Variants in CD72 observed in about 807,000 individuals in gnomAD.
CD72 encodes the protein CD72 molecule.
A neutral mutation model predicts 50.7 loss-of-function variants in CD72; 28 were observed. The observed-to-expected ratio is 0.55, with a 90% CI of 0.41 to 0.76. The LOEUF (loss-of-function observed/expected upper bound fraction) is 0.76. Among genes scored for constraint, CD72 ranks in the 30% least tolerant of loss-of-function variants. The pLI is 0.00. For missense variants in CD72, 403 were observed against 420.6 expected (o/e 0.96, Z 0.37); for synonymous variants, 176 against 171.2 (o/e 1.03, Z -0.22).
chr9:35,617,142 T>C (rs753779811), intron 3 of CD72, 34 bp downstream of exon 3: 1 of 1,551,074 alleles, frequency 6.4e-7, no homozygotes, highest in Non-Finnish European at 8.7e-7. Flanking sequence ...CGCGAGCACT[T>C]GGCCCCGCGG....
chr9:35,620,875 T>A (rs75858613), upstream of CD72, among the ~76,000 whole-genome samples: 2,545 of 152,244 alleles, frequency 0.017, 78 homozygotes, highest in African/African-American at 0.057. Context: ...CACCGCAATA[T>A]CTTGAATGTC....
chr9:35,618,080 C>T lies in CD72; in HGVS notation c.124G>A (p.Val42Ile), dbSNP rs751533707. The change falls in exon 2 of 9, where the codon GTT becomes ATT. Residue 42 changes from valine (V) to isoleucine (I), a missense_variant. Val to Ile is a conservative substitution (Grantham distance 29). Transcript: ENST00000259633. ...DDDGEITYENVQVPAVLGVPS... is the reference protein window; with the variant it reads ...DDDGEITYENIQVPAVLGVPS... Reference sequence around the variant, plus strand: ...ACCCCTAGGACTGCGGGCACTTGAACATTCTCGTAGGTGATTTCCCCATCA... The same window carrying T: ...ACCCCTAGGACTGCGGGCACTTGAATATTCTCGTAGGTGATTTCCCCATCA... 3 of 1,614,130 alleles carry T rather than the reference C, an allele frequency of 1.9e-6. No individual in the cohort carries two copies. In the South Asian group the frequency reaches 3.3e-5, roughly 18 times the overall value.
chr9:35,621,339 T>C (rs4879914), upstream of CD72, among the ~76,000 whole-genome samples: 69,137 of 152,052 alleles, frequency 0.45, 17,310 homozygotes, highest in South Asian at 0.57. Flanking sequence ...CATGAGGGCA[T>C]CAGATAGAAT....
chr9:35,616,130 A>C lies in CD72; in HGVS notation c.501T>G (p.Ser167Arg), dbSNP rs1236821490. The change falls in exon 5 of 9, where the codon AGT (serine) becomes AGG (arginine). Residue 167 changes from serine to arginine, a missense_variant. Ser to Arg is a moderately radical substitution (Grantham distance 110). Coordinates refer to ENST00000259633, the MANE Select transcript of CD72 (RefSeq NM_001782.3). ...TCTGTTCCACCTGTAGTGCTTCCTG[A>C]CTCTGCGCCAGCTCTCTCCTGGACC... ...LQGSRRELAQ[S>R]QEALQVEQRA... The C allele has an allele frequency of 1.2e-6, 2 of 1,613,372 alleles. No individual in the cohort carries two copies. The highest frequency in any genetic ancestry group is 8.5e-7 in the Non-Finnish European group (1 of 1,179,862).
upstream of CD72, among the ~76,000 whole-genome samples, chr9:35,621,528 G>T (rs1204897162): frequency 6.6e-6 from 1 of 152,166 alleles, no homozygotes; most frequent in Non-Finnish European, 1.5e-5. Flanking sequence ...CAGAATAATG[G>T]CCTCCCAAAA....
At chr9:35,641,797 C>T (rs539304248) in intron 1 of CD72, among the ~76,000 whole-genome samples, 2 of 152,064 alleles carry the variant, frequency 1.3e-5, no homozygotes, top group East Asian at 3.9e-4. Context: ...GTGGTGACCC[C>T]GGCAGTGTAA....
At chr9:35,627,722 G>C (rs1294011095) in intron 1 of CD72, among the ~76,000 whole-genome samples, 1 of 152,170 alleles carries the variant, frequency 6.6e-6, no homozygotes, top group Non-Finnish European at 1.5e-5. Context: ...GTCTAGTGTG[G>C]ACAGAAGGGG....
intron 7 of CD72, 103 bp from the exon 8 acceptor site, chr9:35,610,856 T>TTAGGCAGGCAGG: frequency 4.5e-6 from 4 of 890,166 alleles, no homozygotes; most frequent in Non-Finnish European, 7.1e-6. Context: ...TCACCCTGCC[T>TTAGGCAGGCAGG]GCCTAAGGCC....
In CD72 at chr9:35,644,124, A is replaced by C. The variant is rs1823365107; in HGVS notation, n.408+2279T>G. 4.0e-5 allele frequency among the ~76,000 whole-genome samples: 6 copies of C among 151,738 alleles called. No individual in the cohort carries two copies. In the South Asian group the frequency reaches 1.2e-3, roughly 32 times the overall value. ...CACTTTGGGAGGCCAAGGTGGGTGG[A>C]TCATGAGGTCAGGAGTTTGAGACCA... On this transcript the variant is annotated intron_variant and non_coding_transcript_variant, in intron 1 of 3. Transcript: ENST00000465754.
chr9:35,617,448 A>G (rs1411374675), intron 2 of CD72, among the ~76,000 whole-genome samples: 1 of 151,952 alleles, frequency 6.6e-6, no homozygotes, highest in African/African-American at 2.4e-5. Context: ...GTCTCACTGT[A>G]TCTTTTCCCG....
Position 35,618,085 on chromosome 9 carries a change from T to C in CD72, c.119A>G (p.Glu40Gly). 1 of 1,614,042 alleles carries C rather than the reference T, an allele frequency of 6.2e-7. No individual in the cohort carries two copies. Among genetic ancestry groups the C allele is most frequent in the Non-Finnish European group, 8.5e-7 (1 of 1,179,966 alleles). The change falls in exon 2 of 9, where the codon GAG becomes GGG. Residue 40 changes from glutamate to glycine, a missense_variant. Transcript: ENST00000259633. ...GADDDGEITY[E>G]NVQVPAVLGV... Reference sequence around the variant, plus strand: ...TAGGACTGCGGGCACTTGAACATTCTCGTAGGTGATTTCCCCATCATCATC... The same window carrying C: ...TAGGACTGCGGGCACTTGAACATTCCCGTAGGTGATTTCCCCATCATCATC...
chr9:35,629,468 CAT>C (rs1329213078), intron 1 of CD72, among the ~76,000 whole-genome samples: 2 of 152,158 alleles, frequency 1.3e-5, no homozygotes, highest in Middle Eastern at 3.2e-3. Context: ...CATACACACA[CAT>C]ACATATTTTT....
intron 1 of CD72, among the ~76,000 whole-genome samples, chr9:35,641,323 T>C (rs1823338049): frequency 6.6e-6 from 1 of 151,106 alleles, no homozygotes; most frequent in South Asian, 2.1e-4. Flanking sequence ...GTTTCAATTC[T>C]GGAAGAGACA....
At position 35,615,985 on chromosome 9, in the gene CD72, T is replaced by C. The variant is rs373555537; in HGVS notation, c.646A>G (p.Met216Val). 1.2e-6 allele frequency: 2 copies of C among 1,614,010 alleles called. No homozygotes were observed. Among genetic ancestry groups the C allele is most frequent in the African/African-American group, 1.3e-5 (1 of 74,968 alleles). ...RRALEQKLSN[M>V]ENRLKPFFTC... is the part of the protein sequence containing the mutation. ...AAGAAGGGCTTCAGTCTGTTCTCCA[T>C]GTTGCTCAGCTTCTGCTCCAAGGCC... The change falls in exon 5 of 9, where the codon ATG becomes GTG. Residue 216 changes from methionine to valine, a missense_variant. By Grantham distance (21) the Met-to-Val change is conservative (BLOSUM62 1). Coordinates refer to ENST00000259633, the MANE Select transcript of CD72 (RefSeq NM_001782.3).
chr9:35,634,245 C>A (rs1002651805), intron 1 of CD72, among the ~76,000 whole-genome samples: 1 of 152,126 alleles, frequency 6.6e-6, no homozygotes, highest in African/African-American at 2.4e-5. Flanking sequence ...CCATCCCTGT[C>A]CCTGCTCTCA....
At chr9:35,625,861 G>T (rs1563898119) in intron 1 of CD72, among the ~76,000 whole-genome samples, 1 of 152,140 alleles carries the variant, frequency 6.6e-6, no homozygotes, top group African/African-American at 2.4e-5. Flanking sequence ...GCACAGTTTA[G>T]TGAATATTTT....
chr9:35,632,403 C>G (rs1398263485), intron 1 of CD72, among the ~76,000 whole-genome samples: 3 of 151,958 alleles, frequency 2.0e-5, no homozygotes, highest in Admixed American at 6.6e-5. Flanking sequence ...ACCTCCTGAC[C>G]TCGTGATGCG....
intron 1 of CD72, among the ~76,000 whole-genome samples, chr9:35,640,174 A>G (rs1375202792): frequency 2.0e-5 from 3 of 152,178 alleles, no homozygotes; most frequent in Non-Finnish European, 4.4e-5. Flanking sequence ...GTTAGTGCAG[A>G]CTCCATAAGT....
At chr9:35,640,097 T>C (rs1823325229) in intron 1 of CD72, among the ~76,000 whole-genome samples, 1 of 152,250 alleles carries the variant, frequency 6.6e-6, no homozygotes, top group African/African-American at 2.4e-5. Context: ...GTTTTCATTC[T>C]GTGACATTTT....
Sources: gnomAD v4.1 joint callset for allele counts (sites outside exome capture counted in the v4.1 genomes callset) on GRCh38, gnomAD v4.1.1 for gene constraint, MANE v1.5 for transcripts, NCBI Gene and HGNC (gene_info 2026-07-23, HGNC 2026-07-21) for gene names.